CEP120: variants seen among roughly 807,000 people sequenced by gnomAD.
The protein encoded by CEP120 is centrosomal protein 120, also known as centrosomal protein of 120 kDa.
A neutral mutation model predicts 126.5 loss-of-function variants in CEP120; 113 were observed. That is an observed-to-expected ratio of 0.89 (90% confidence interval 0.77 to 1.04). The LOEUF (loss-of-function observed/expected upper bound fraction) is 1.04. CEP120 is among the 50% of genes least tolerant of loss of function. The pLI is 0.00. For missense variants in CEP120, 1,230 were observed against 1,155.7 expected, an observed-to-expected ratio of 1.06 and a Z score of -0.93; for synonymous variants, 400 against 394.3, an observed-to-expected ratio of 1.01 and a Z score of -0.17.
chr5:123,422,562 G>C (rs947248951), intron 1 of CEP120: 5 of 1,534,562 alleles, frequency 3.3e-6, no homozygotes, highest in Admixed American at 2.0e-5. Flanking sequence ...AACACTTCTG[G>C]AATCGCAGGA....
intron 14 of CEP120, among the ~76,000 whole-genome samples, chr5:123,378,682 A>G (rs1010650771): frequency 1.3e-5 from 2 of 152,170 alleles, no homozygotes; most frequent in African/African-American, 4.8e-5. Context: ...TTCACATATT[A>G]TGATTTCCAC....
chr5:123,382,634 G>C (rs1771727131), intron 13 of CEP120, 103 bp downstream of exon 13: 2 of 1,039,298 alleles, frequency 1.9e-6, no homozygotes, highest in East Asian at 5.6e-5. Context: ...AAAGAAGTTA[G>C]ATAAGGTACC....
At chr5:123,356,776 A>G (rs748700983) in intron 18 of CEP120, among the ~76,000 whole-genome samples, 4 of 152,090 alleles carry the variant, frequency 2.6e-5, no homozygotes, top group Non-Finnish European at 5.9e-5. Flanking sequence ...GTATTTTTGC[A>G]CTATTTTTGT....
chr5:123,378,212 T>A (rs1338174152), intron 15 of CEP120, 124 bp downstream of exon 15: 2 of 622,474 alleles, frequency 3.2e-6, no homozygotes, highest in Non-Finnish European at 5.5e-6. Flanking sequence ...CTCATTCTTA[T>A]AAGCAGCCCA....
intron 14 of CEP120, among the ~76,000 whole-genome samples, chr5:123,379,689 C>A (rs1460811375): frequency 6.6e-6 from 1 of 151,762 alleles, no homozygotes; most frequent in Non-Finnish European, 1.5e-5. Context: ...TTTACGAGAT[C>A]ATTTATTCTC....
intron 18 of CEP120, among the ~76,000 whole-genome samples, chr5:123,352,661 C>G (rs1451952650): frequency 2.0e-5 from 3 of 151,920 alleles, no homozygotes; most frequent in African/African-American, 7.2e-5. Context: ...ATGATTTTAG[C>G]TATTCTTGGC....
chr5:123,370,698 C>CACATATATACCTATAT (rs996675449), intron 17 of CEP120, among the ~76,000 whole-genome samples: 1 of 113,520 alleles, frequency 8.8e-6, no homozygotes, highest in African/African-American at 3.1e-5. Context: ...TATATATATA[C>CACATATATACCTATAT]ACATATATAC....
chr5:123,405,070 A>T (rs1247566390), intron 4 of CEP120, among the ~76,000 whole-genome samples: 1 of 152,248 alleles, frequency 6.6e-6, no homozygotes. Context: ...AAAGTTGAAC[A>T]AACTAAAAAT....
chr5:123,397,540 A>C (rs1580711163), intron 5 of CEP120, among the ~76,000 whole-genome samples: 1 of 152,198 alleles, frequency 6.6e-6, no homozygotes, highest in African/African-American at 2.4e-5. Context: ...AAAATACGGA[A>C]ACTGATATAA....
At chr5:123,419,883 A>T (rs1161525658) in intron 1 of CEP120, among the ~76,000 whole-genome samples, 1 of 152,208 alleles carries the variant, frequency 6.6e-6, no homozygotes, top group African/African-American at 2.4e-5. Context: ...AAGCACTAAG[A>T]ATCTTGCACT....
At chr5:123,361,631 C>T (rs1211374065) in intron 18 of CEP120, among the ~76,000 whole-genome samples, 2 of 151,706 alleles carry the variant, frequency 1.3e-5, no homozygotes, top group African/African-American at 4.8e-5. Context: ...AACAATATCC[C>T]CCAATTATGC....
chr5:123,384,927 T>C, intron 11 of CEP120, 24 bp downstream of exon 11: 6 of 1,560,294 alleles, frequency 3.8e-6, no homozygotes, highest in Non-Finnish European at 4.3e-6. Flanking sequence ...GAAAAGCAAA[T>C]ACCAATTCTG....
At position 123,423,142 on chromosome 5, in the gene CEP120, C is replaced by T; in HGVS notation, c.-144G>A. On this transcript the variant is annotated 5_prime_UTR_variant, in exon 1 of 20. Coordinates refer to ENST00000306467, the MANE Select transcript of CEP120 (RefSeq NM_001375405.1). ...CGGACCCCGCTCCGCAGCCAGGTCCCACCGCCGTCTGCTGCAGCGCGCCCG... is the reference window on the plus strand; with the variant it reads ...CGGACCCCGCTCCGCAGCCAGGTCCTACCGCCGTCTGCTGCAGCGCGCCCG... 1.3e-5 allele frequency: 9 copies of T among 677,388 alleles called. No individual in the cohort carries two copies. In the South Asian group the frequency reaches 1.5e-4, roughly 11 times the overall value. 42.0% of individuals were successfully genotyped at this position (677,388 alleles called of 1,614,324 possible).
intron 1 of CEP120, chr5:123,422,473 A>C (rs62377766): frequency 1.3e-6 from 2 of 1,528,054 alleles, no homozygotes; most frequent in East Asian, 4.9e-5. Context: ...ACACCTTTTA[A>C]GGAATGTATA....
At chr5:123,390,802 A>G in intron 7 of CEP120, 1 of 251,308 alleles carries the variant, frequency 4.0e-6, no homozygotes, top group Non-Finnish European at 7.7e-6. Context: ...ATTCCCAGAA[A>G]CTAGGTCTAA....
chr5:123,385,619 GTTTT>G (rs35110133), intron 10 of CEP120, among the ~76,000 whole-genome samples: 1 of 140,636 alleles, frequency 7.1e-6, no homozygotes, highest in South Asian at 2.3e-4. Flanking sequence ...GACTATACCT[GTTTT>G]TTTTTTTTTT....
intron 8 of CEP120, among the ~76,000 whole-genome samples, chr5:123,389,636 G>C (rs948548673): frequency 1.8e-4 from 27 of 152,084 alleles, no homozygotes; most frequent in Non-Finnish European, 3.5e-4. Flanking sequence ...GAGTAGCTGG[G>C]ATTACAGGCA....
chr5:123,355,297 A>G (rs550867653), intron 18 of CEP120, among the ~76,000 whole-genome samples: 1 of 152,176 alleles, frequency 6.6e-6, no homozygotes, highest in Non-Finnish European at 1.5e-5. Flanking sequence ...TTGGGTATAT[A>G]CCCAGTAAGG....
chr5:123,377,397 C>T lies in CEP120; in HGVS notation c.2335G>A (p.Asp779Asn). The change falls in exon 16 of 20, where the codon GAT becomes AAT. Residue 779 changes from aspartate to asparagine, a missense_variant. By Grantham distance (23) the Asp-to-Asn change is conservative. Coordinates refer to ENST00000306467, the MANE Select transcript of CEP120 (RefSeq NM_001375405.1). ...ERLKIKQLEE[D>N]KHRLQQQLND... is the part of the protein sequence containing the mutation. ...ACCTGTTGCTGAAGGCGGTGTTTATCCTCTTCGAGCTGTTTGATTTTTAAC... is the reference window on the plus strand; with the variant it reads ...ACCTGTTGCTGAAGGCGGTGTTTATTCTCTTCGAGCTGTTTGATTTTTAAC... The T allele has an allele frequency of 6.2e-7, 1 of 1,609,236 alleles. No homozygotes were observed. Among genetic ancestry groups the T allele is most frequent in the South Asian group, 1.1e-5 (1 of 89,916 alleles).
Sources: gnomAD v4.1 joint callset for allele counts (sites outside exome capture counted in the v4.1 genomes callset) on GRCh38, gnomAD v4.1.1 for gene constraint, MANE v1.5 for transcripts, NCBI Gene and HGNC (gene_info 2026-07-23, HGNC 2026-07-21) for gene names.